The following PTPRU variants were observed in gnomAD, a reference collection of about 807,000 sequenced individuals.
PTPRU encodes the protein protein tyrosine phosphatase receptor type U.
PTPRU carries 69 observed loss-of-function variants against 166.3 expected under a neutral mutation model. That is an observed-to-expected ratio of 0.41 (90% CI 0.34 to 0.51). PTPRU has a LOEUF of 0.51. PTPRU is among the 20% of genes least tolerant of loss of function. The pLI, the probability that PTPRU is intolerant of heterozygous loss-of-function variation, is 0.09. For synonymous variants in PTPRU, 793 were observed against 814.0 expected, an observed-to-expected ratio of 0.97 and a Z score of 0.44; for missense variants, 1,657 against 2,013.7, an observed-to-expected ratio of 0.82 and a Z score of 3.39.
At chr1:29,318,037 T>G in intron 25 of PTPRU, 116 bp downstream of exon 25, 1 of 1,352,608 alleles carries the variant, frequency 7.4e-7, no homozygotes, top group Non-Finnish European at 1.0e-6. Context: ...CTGCCCATTC[T>G]GGGGAACAGG....
rs1486983260 is a variant in PTPRU at position 29,292,011 on chromosome 1, G to A, written c.2461G>A (p.Gly821Ser). The change falls in exon 15 of 30, where the codon GGC becomes AGC. Residue 821 changes from glycine to serine, a missense_variant. Physicochemically the swap from Gly to Ser is moderately conservative, Grantham distance 56 (BLOSUM62 0). Around this residue, in one of 3 missense-constraint regions of PTPRU, gnomAD observed 1,190 missense variants for 1,477.4 expected, o/e 0.81. Transcript: ENST00000373779. ...GGGCCTGTCCTTCATGGACACCCAT[G>A]GCTACAGCACCCGGGGTGAGTGCCC... ...RLGLSFMDTH[G>S]YSTRGDQRSG... 3 of 1,614,094 alleles carry A rather than the reference G, an allele frequency of 1.9e-6. No individual in the cohort carries two copies. The Admixed American group carries it at 5.0e-5, about 27-fold the overall frequency.
chr1:29,285,900 AG>A (rs1686323572), intron 14 of PTPRU, among the ~76,000 whole-genome samples: 1 of 152,192 alleles, frequency 6.6e-6, no homozygotes, highest in South Asian at 2.1e-4. Flanking sequence ...GGGGATGTTG[AG>A]GCCTAGAGGG....
chr1:29,303,794 C>T lies in PTPRU; in HGVS notation c.2477-61C>T, dbSNP rs2151963181. 9 of 1,488,514 alleles carry T rather than the reference C, an allele frequency of 6.0e-6. No homozygotes were observed. In the South Asian group the frequency reaches 7.5e-5, roughly 12 times the overall value. The allele number at this position is 1,488,514 out of a possible 1,614,324, so 92.2% of individuals were successfully genotyped here. A position where few individuals can be genotyped will look rare whatever the true frequency, so the allele number is the denominator to read the frequency against. ...CCCACCCCCATAGACCCCAGTCTCT[C>T]CAGGACCCCCGAGGCTGGGGCATGT... On this transcript the variant is annotated intron_variant, in intron 15 of 29. Transcript: ENST00000373779.
chr1:29,323,935 C>A, intron 28 of PTPRU, 147 bp downstream of exon 28: 1 of 1,070,786 alleles, frequency 9.3e-7, no homozygotes, highest in Non-Finnish European at 1.3e-6. Flanking sequence ...AGGATGCTGC[C>A]CAACCAGCCA....
chr1:29,279,257 C>T lies in PTPRU; in HGVS notation c.1563+136C>T. ...ATAGTTTCTTCAACTATGGCCAGGT[C>T]TGTGCCCTGTGTATTCTAGAGGAGG... On this transcript the variant is annotated intron_variant, in intron 9 of 29. Transcript: ENST00000373779. The surrounding 1 kb of genome is among the most constrained non-coding windows in gnomAD (Gnocchi z 5.2). 1.0e-6 allele frequency: 1 copy of T among 998,774 alleles called. No homozygotes were observed. The highest frequency in any genetic ancestry group is 2.6e-5 in the East Asian group (1 of 38,318). The allele number at this position is 998,774 out of a possible 1,614,324, so 61.9% of individuals were successfully genotyped here. A position where few individuals can be genotyped will look rare whatever the true frequency, so the allele number is the denominator to read the frequency against.
intron 26 of PTPRU, among the ~76,000 whole-genome samples, chr1:29,322,708 C>G (rs538206249): frequency 1.3e-5 from 2 of 152,170 alleles, no homozygotes; most frequent in South Asian, 2.1e-4. Context: ...AAAGGAAGAG[C>G]CTTTCCTGGG....
At chr1:29,322,243 C>G (rs1688192010) in intron 26 of PTPRU, among the ~76,000 whole-genome samples, 1 of 152,188 alleles carries the variant, frequency 6.6e-6, no homozygotes, top group Admixed American at 6.5e-5. Context: ...ATCTGCTCAA[C>G]CAACTTTGCC....
intron 28 of PTPRU, among the ~76,000 whole-genome samples, 196 bp downstream of exon 28, chr1:29,323,984 T>C (rs1296853175): frequency 6.6e-6 from 1 of 152,220 alleles, no homozygotes; most frequent in African/African-American, 2.4e-5. Flanking sequence ...TTCCAGGCTA[T>C]AGACTCAGCC....
In PTPRU at chr1:29,260,788, G is replaced by A. The variant is rs771203901; in HGVS notation, c.1029G>A (p.Lys343=). The A allele has an allele frequency of 6.2e-7, 1 of 1,613,610 alleles. No individual in the cohort carries two copies. Among genetic ancestry groups the A allele is most frequent in the East Asian group, 2.2e-5 (1 of 44,826 alleles). The change falls in exon 7 of 30, where the codon AAG becomes AAA. Residue 343 remains lysine, a synonymous_variant. Coordinates refer to ENST00000373779, the MANE Select transcript of PTPRU (RefSeq NM_133178.4). The surrounding 1 kb of genome is among the most constrained non-coding windows in gnomAD (Gnocchi z 8.3). ...ACGCCGTCAGCCTGCAGACCTACAA[G>A]CTGTGGCACCTCGACCCCGACACAG... The part of the protein sequence containing the change: ...EVHAVSLQTY[K]LWHLDPDTEY...
intron 8 of PTPRU, among the ~76,000 whole-genome samples, chr1:29,276,792 A>AT (rs1429361042): frequency 6.6e-6 from 1 of 151,728 alleles, no homozygotes; most frequent in Non-Finnish European, 1.5e-5. Context: ...TTTATTTTCT[A>AT]TTTTTTATTT....
chr1:29,259,762 C>T, intron 5 of PTPRU, 108 bp from the exon 6 acceptor site: 1 of 1,354,070 alleles, frequency 7.4e-7, no homozygotes, highest in South Asian at 1.5e-5. Context: ...CTCCAGGAAC[C>T]TATGTCCGCG....
Position 29,304,756 on chromosome 1 carries a change from C to A in PTPRU, c.2668-18C>A. 1 of 1,599,828 alleles carries A rather than the reference C, an allele frequency of 6.3e-7. No individual in the cohort carries two copies. Among genetic ancestry groups the A allele is most frequent in the South Asian group, 1.1e-5 (1 of 90,250 alleles). Reference sequence around the variant, plus strand: ...AGGGTCCCTCTCTCCCACTGACCACCACTTTTCTTTCTGGTAGAGCTTCTT... The same window carrying A: ...AGGGTCCCTCTCTCCCACTGACCACAACTTTTCTTTCTGGTAGAGCTTCTT... On this transcript the variant is annotated intron_variant, in intron 16 of 29. Coordinates refer to ENST00000373779, the MANE Select transcript of PTPRU (RefSeq NM_133178.4).
chr1:29,280,918 T>C lies in PTPRU; in HGVS notation c.1868+777T>C, dbSNP rs921443760. On this transcript the variant is annotated intron_variant, in intron 11 of 29. Transcript: ENST00000373779. The surrounding 1 kb of genome is among the most constrained non-coding windows in gnomAD (Gnocchi z 4.2). ...TGGGTATTATTACCTTCATTTTACA[T>C]ATCGGGAAACTGACTCAGAGCCTGA... 2.6e-5 allele frequency among the ~76,000 whole-genome samples: 4 copies of C among 152,276 alleles called. No individual in the cohort carries two copies. The highest frequency in any genetic ancestry group is 6.5e-5 in the Admixed American group (1 of 15,304).
intron 14 of PTPRU, among the ~76,000 whole-genome samples, chr1:29,285,681 C>A (rs1686310673): frequency 6.6e-6 from 1 of 152,184 alleles, no homozygotes; most frequent in Non-Finnish European, 1.5e-5. Flanking sequence ...GTTTTCAAAT[C>A]TTTTTAAAGA....
At chr1:29,268,558 T>A (rs1685404401) in intron 7 of PTPRU, among the ~76,000 whole-genome samples, 1 of 152,202 alleles carries the variant, frequency 6.6e-6, no homozygotes, top group Admixed American at 6.5e-5. Flanking sequence ...TTTTAGGGAA[T>A]AAATGTAGAT....
At chr1:29,307,141 C>A (rs866099875) in intron 18 of PTPRU, 1 of 1,613,184 alleles carries the variant, frequency 6.2e-7, no homozygotes, top group Non-Finnish European at 8.5e-7. Flanking sequence ...TCGGATAAAC[C>A]GAGAAGTAAG....
At position 29,326,048 on chromosome 1, in the gene PTPRU, C is replaced by T; in HGVS notation, c.*387C>T. The T allele has an allele frequency of 2.5e-6, 1 of 404,700 alleles. No individual in the cohort carries two copies. The highest frequency in any genetic ancestry group is 4.3e-6 in the Non-Finnish European group (1 of 230,700). 25.1% of individuals were successfully genotyped at this position (404,700 alleles called of 1,614,324 possible). A position where few individuals can be genotyped will look rare whatever the true frequency, so the allele number is the denominator to read the frequency against. On this transcript the variant is annotated 3_prime_UTR_variant, in exon 30 of 30. Coordinates refer to ENST00000373779, the MANE Select transcript of PTPRU (RefSeq NM_133178.4). ...ATGAGTGAGGCCCTGCAGAGAGCAT[C>T]CCAGGCCAAGGTTCCCACTCAGCCT...
At chr1:29,292,068 G>T (rs200290457) in intron 15 of PTPRU, 42 bp downstream of exon 15, 2 of 1,606,488 alleles carry the variant, frequency 1.2e-6, no homozygotes, top group Non-Finnish European at 1.7e-6. Flanking sequence ...TGGCTCTGGG[G>T]CTCCCAACCT....
chr1:29,306,991 G>A (rs954302266), intron 18 of PTPRU: 3 of 855,026 alleles, frequency 3.5e-6, no homozygotes, highest in Non-Finnish European at 5.5e-6. Context: ...AGCCCAGCCC[G>A]GCCTGCCCGT....
Sources: allele counts gnomAD v4.1 joint callset (sites outside exome capture counted in the v4.1 genomes callset), GRCh38; gene constraint gnomAD v4.1.1; regional missense constraint gnomAD v4.1.1; non-coding constraint Gnocchi (gnomAD v3.1); transcripts MANE v1.5; gene names NCBI Gene and HGNC (gene_info 2026-07-23, HGNC 2026-07-21).